ISLR2: variants seen among roughly 807,000 people sequenced by gnomAD.
The protein encoded by ISLR2 is immunoglobulin superfamily containing leucine-rich repeat protein 2.
ISLR2 carries 16 observed loss-of-function variants against 25.5 expected under a neutral mutation model. The ratio of observed to expected loss-of-function variants is 0.63; its 90% CI spans 0.43 to 0.95. The LOEUF is 0.95. Among genes scored for constraint, ISLR2 ranks in the 40% least tolerant of loss-of-function variants. The pLI is 0.00. For missense variants in ISLR2, 883 were observed against 1,030.7 expected (o/e 0.86, Z 1.96); for synonymous variants, 508 against 486.6 (o/e 1.04, Z -0.58).
At chr15:74,102,979 T>G (rs1323283666) in intron 1 of ISLR2, among the ~76,000 whole-genome samples, 18 of 151,562 alleles carry the variant, frequency 1.2e-4, no homozygotes, top group Non-Finnish European at 2.1e-4. Flanking sequence ...GGCTAATTTT[T>G]GTATTTTTAG....
intron 2 of ISLR2, among the ~76,000 whole-genome samples, chr15:74,123,079 C>A (rs1446044494): frequency 6.6e-6 from 1 of 152,084 alleles, no homozygotes; most frequent in Admixed American, 6.5e-5. Flanking sequence ...ATTTTAACCT[C>A]AAATAGCAGT....
In ISLR2 at chr15:74,132,729, C is replaced by G. The variant is rs367554014; in HGVS notation, c.-8-18C>G. 6.2e-7 allele frequency: 1 copy of G among 1,600,938 alleles called. No individual in the cohort carries two copies. The highest frequency in any genetic ancestry group is 8.5e-7 in the Non-Finnish European group (1 of 1,170,538). ...AGTGAGTCACCTTCTTTCTTCTTCACCTGGCTTCCATCTGCAGGAGCCGCG... is the reference window on the plus strand; with the variant it reads ...AGTGAGTCACCTTCTTTCTTCTTCAGCTGGCTTCCATCTGCAGGAGCCGCG... On this transcript the variant is annotated intron_variant, in intron 2 of 2. Transcript: ENST00000453268. This position sits in a 1 kb window ranked among gnomAD's most constrained non-coding sequence, Gnocchi z 4.3.
Position 74,112,672 on chromosome 15 carries a change from C to T in ISLR2, n.228+8758C>T, listed in dbSNP as rs145228830. Reference sequence around the variant, plus strand: ...CCTCCCGAGCAGATGGAACTATAGGCGCATGTTACCACGCCCAGCTAATTT... The same window carrying T: ...CCTCCCGAGCAGATGGAACTATAGGTGCATGTTACCACGCCCAGCTAATTT... On this transcript the variant is annotated intron_variant and non_coding_transcript_variant, in intron 2 of 3. Transcript: ENST00000561975. 8.9e-4 allele frequency among the ~76,000 whole-genome samples: 135 copies of T among 151,950 alleles called. 1 individual carries two copies. Among genetic ancestry groups the T allele is most frequent in the African/African-American group, 3.1e-3 (129 of 41,400 alleles).
At chr15:74,118,879 G>A (rs912261757) in intron 2 of ISLR2, among the ~76,000 whole-genome samples, 16 of 151,926 alleles carry the variant, frequency 1.1e-4, no homozygotes, top group Admixed American at 9.2e-4. Context: ...GGATGGTCTC[G>A]ATCTCTTGAC....
At chr15:74,115,364 C>T (rs1042035234) in intron 2 of ISLR2, among the ~76,000 whole-genome samples, 12 of 152,172 alleles carry the variant, frequency 7.9e-5, no homozygotes, top group Non-Finnish European at 1.2e-4. Flanking sequence ...CCAGCAGTCA[C>T]GACACAAAAA....
At chr15:74,105,467 GC>G (rs1162067375) in intron 2 of ISLR2, among the ~76,000 whole-genome samples, 2 of 70,266 alleles carry the variant, frequency 2.8e-5, no homozygotes, top group Non-Finnish European at 5.6e-5. Flanking sequence ...CCAAATCAAT[GC>G]CCTCTGATGG....
upstream of ISLR2, among the ~76,000 whole-genome samples, chr15:74,124,652 G>A (rs1156654309): frequency 2.6e-5 from 4 of 152,248 alleles, no homozygotes; most frequent in South Asian, 2.1e-4. Context: ...CAAGCAACTC[G>A]GGAGGCCGAG....
chr15:74,132,762 C>T lies in ISLR2; in HGVS notation c.8C>T (p.Pro3Leu), dbSNP rs775725979. ...CCATCTGCAGGAGCCGCGATGTTCC[C>T]CCTTCGGGCCCTGTGGTTGGTCTGG... is the stretch of plus-strand genomic sequence containing the variant. The part of the protein sequence containing the change: MF[P>L]LRALWLVWAL... The change falls in exon 3 of 3, where the codon CCC becomes CTC. Residue 3 changes from proline to leucine, a missense_variant. By Grantham distance (98) the Pro-to-Leu change is moderately conservative. Coordinates refer to ENST00000453268, the MANE Select transcript of ISLR2 (RefSeq NM_020851.3). This position sits in a 1 kb window ranked among gnomAD's most constrained non-coding sequence, Gnocchi z 4.3. The T allele has an allele frequency of 6.2e-7, 1 of 1,608,490 alleles. No homozygotes were observed. Among genetic ancestry groups the T allele is most frequent in the Admixed American group, 1.7e-5 (1 of 59,940 alleles).
intron 1 of ISLR2, among the ~76,000 whole-genome samples, chr15:74,102,740 A>G (rs2072089987): frequency 6.6e-6 from 1 of 152,004 alleles, no homozygotes; most frequent in Non-Finnish European, 1.5e-5. Flanking sequence ...GAGAATATGT[A>G]TATATGTTAA....
chr15:74,121,087 CTTCTCCTGGTGCCT>C (rs2072249250), intron 2 of ISLR2, among the ~76,000 whole-genome samples: 1 of 152,062 alleles, frequency 6.6e-6, no homozygotes, highest in Admixed American at 6.6e-5. Flanking sequence ...TCCCAAGCTT[CTTCTCCTGGTGCCT>C]TTGTCCCCAT....
chr15:74,140,993 T>C (rs1272592271), downstream of ISLR2, among the ~76,000 whole-genome samples: 1 of 152,234 alleles, frequency 6.6e-6, no homozygotes, highest in African/African-American at 2.4e-5. Context: ...TTGATATGGA[T>C]TTTTTAAAAA....
rs753865797 is a variant in ISLR2 at position 74,110,656 on chromosome 15, T to TA, written n.228+6760dup. ...AACATGGTGAAACCCTGTCTCTACT[T>TA]AAAAAAAAAAAAAAAAAAGGCTGGG... On this transcript the variant is annotated intron_variant and non_coding_transcript_variant, in intron 2 of 3. Coordinates refer to the ISLR2 transcript ENST00000561975. Among the ~76,000 whole-genome samples the TA allele has an allele frequency of 2.7e-3, 305 of 111,256 alleles. 1 individual carries two copies. The highest frequency in any genetic ancestry group is 4.5e-3 in the Middle Eastern group (1 of 224). The allele number at this position is 111,256 out of a possible 152,430, so 73.0% of individuals were successfully genotyped here. A position where few individuals can be genotyped will look rare whatever the true frequency, so the allele number is the denominator to read the frequency against.
downstream of ISLR2, among the ~76,000 whole-genome samples, chr15:74,141,518 A>G (rs1282155777): frequency 6.6e-6 from 1 of 152,236 alleles, no homozygotes; most frequent in Non-Finnish European, 1.5e-5. Flanking sequence ...ACACATCTAG[A>G]CTAAGAATGC....
At chr15:74,125,240 T>G (rs2072285561), upstream of ISLR2, among the ~76,000 whole-genome samples, 1 of 152,096 alleles carries the variant, frequency 6.6e-6, no homozygotes, top group Non-Finnish European at 1.5e-5. Context: ...TTTGTTTTCG[T>G]TTTTGTTTTT....
intron 2 of ISLR2, among the ~76,000 whole-genome samples, chr15:74,107,157 A>G (rs1334232112): frequency 4.6e-5 from 7 of 152,148 alleles, no homozygotes; most frequent in Non-Finnish European, 8.8e-5. Context: ...ATCCAGGGTA[A>G]AGTGCACTGT....
chr15:74,137,418 G>A (rs962267000), downstream of ISLR2, among the ~76,000 whole-genome samples: 9 of 152,230 alleles, frequency 5.9e-5, no homozygotes, highest in Admixed American at 1.3e-4. Context: ...AAGTGTGTGC[G>A]TTGTGTGGGT....
chr15:74,118,032 C>T (rs1207195500), intron 2 of ISLR2, among the ~76,000 whole-genome samples: 2 of 152,194 alleles, frequency 1.3e-5, no homozygotes, highest in Non-Finnish European at 2.9e-5. Context: ...ATATAATGAA[C>T]TGTTGGGGGA....
chr15:74,118,890 C>T (rs2072231605), intron 2 of ISLR2, among the ~76,000 whole-genome samples: 1 of 152,068 alleles, frequency 6.6e-6, no homozygotes, highest in African/African-American at 2.4e-5. Flanking sequence ...ATCTCTTGAC[C>T]TCGTGATCCA....
At chr15:74,131,716 C>G (rs1156483279) in intron 2 of ISLR2, among the ~76,000 whole-genome samples, 2 of 152,180 alleles carry the variant, frequency 1.3e-5, no homozygotes, top group African/African-American at 4.8e-5. Context: ...TGGGAGCCGC[C>G]TGAGGGACCT....
Sources: gnomAD v4.1 joint callset for allele counts (sites outside exome capture counted in the v4.1 genomes callset) on GRCh38, gnomAD v4.1.1 for gene constraint, Gnocchi (gnomAD v3.1) non-coding constraint, MANE v1.5 for transcripts, NCBI Gene and HGNC (gene_info 2026-07-23, HGNC 2026-07-21) for gene names.